The following WDR41 variants were observed in gnomAD, a reference collection of about 807,000 sequenced individuals.
WDR41 encodes the protein WD repeat-containing protein 41.
A neutral mutation model predicts 69.3 loss-of-function variants in WDR41; 63 were observed. That is an observed-to-expected ratio of 0.91 (90% CI 0.74 to 1.12). The LOEUF (loss-of-function observed/expected upper bound fraction) is 1.12, where lower values mean the gene tolerates loss of function less well. WDR41 is among the 50% of genes most tolerant of loss of function. The probability of loss-of-function intolerance (pLI) is 0.00; values close to 1 mark genes in which losing one functional copy is unlikely to be tolerated. For synonymous variants in WDR41, 185 were observed against 192.1 expected, an observed-to-expected ratio of 0.96 and a Z score of 0.31; for missense variants, 543 against 534.5, an observed-to-expected ratio of 1.02 and a Z score of -0.16.
chr5:77,581,299 A>C (rs1245789484), intron 1 of WDR41, among the ~76,000 whole-genome samples: 2 of 152,232 alleles, frequency 1.3e-5, no homozygotes, highest in Non-Finnish European at 2.9e-5. Context: ...TCAATCTACC[A>C]TGAAGATATA....
chr5:77,473,844 G>A (rs1800752598), intron 2 of WDR41, among the ~76,000 whole-genome samples: 1 of 151,988 alleles, frequency 6.6e-6, no homozygotes, highest in South Asian at 2.1e-4. Context: ...TACACTGTTG[G>A]TGGGACTTCA....
intron 2 of WDR41, among the ~76,000 whole-genome samples, chr5:77,472,227 T>A (rs1297950911): frequency 1.3e-5 from 2 of 152,208 alleles, no homozygotes; most frequent in Non-Finnish European, 2.9e-5. Flanking sequence ...TCAACAACTC[T>A]TCATGCTAAA....
intron 1 of WDR41, among the ~76,000 whole-genome samples, chr5:77,539,044 G>A (rs983228049): frequency 3.3e-5 from 5 of 152,072 alleles, no homozygotes; most frequent in African/African-American, 1.2e-4. Flanking sequence ...GTTTGCAGGT[G>A]GCCATCTTGC....
intron 1 of WDR41, among the ~76,000 whole-genome samples, chr5:77,507,357 G>A (rs1802124747): frequency 6.6e-6 from 1 of 152,156 alleles, no homozygotes; most frequent in Non-Finnish European, 1.5e-5. Context: ...TGCTTCTAGA[G>A]GCAACCACTT....
chr5:77,481,745 A>G (rs1029024898), intron 2 of WDR41, among the ~76,000 whole-genome samples: 11 of 147,076 alleles, frequency 7.5e-5, no homozygotes, highest in Admixed American at 7.3e-4. Flanking sequence ...AGGTCACACC[A>G]CTGCACTCCA....
rs1413615303 is a variant in WDR41 at position 77,481,912 on chromosome 5, TTC to T, written c.167+7543_167+7544del. 6.1e-4 allele frequency among the ~76,000 whole-genome samples: 93 copies of T among 152,340 alleles called. 1 individual carries two copies. The highest frequency in any genetic ancestry group is 6.1e-3 in the Admixed American group (93 of 15,304). ...CTACAACTATTCTCAATAAATTCTG[TTC>T]TCAAAGAGAAACAAGGGTGGTTCTC... On this transcript the variant is annotated intron_variant, in intron 2 of 12. Transcript: ENST00000296679.
intron 3 of WDR41, 61 bp downstream of exon 3, chr5:77,464,700 A>G (rs763602050): frequency 2.1e-5 from 32 of 1,518,514 alleles, no homozygotes; most frequent in Non-Finnish European, 2.7e-6. Context: ...ATTTATATGA[A>G]TACATACTCA....
chr5:77,561,002 T>C (rs1467345766), intron 1 of WDR41, among the ~76,000 whole-genome samples: 1 of 152,210 alleles, frequency 6.6e-6, no homozygotes, highest in African/African-American at 2.4e-5. Flanking sequence ...GTTTCTGAAA[T>C]GGCATATTCT....
chr5:77,438,160 G>A lies in WDR41; in HGVS notation c.1004+80C>T, dbSNP rs1357876703. 3.2e-6 allele frequency: 5 copies of A among 1,586,510 alleles called. No individual in the cohort carries two copies. The African/African-American group carries it at 6.7e-5, about 21-fold the overall frequency. The stretch of plus-strand genomic sequence containing the variant: ...GTCAAGCCATGAAGCCAGGTAACTT[G>A]GCCACTTGAGAAATTACACTGGTAG... On this transcript the variant is annotated intron_variant, in intron 10 of 12. Coordinates refer to ENST00000296679, the MANE Select transcript of WDR41 (RefSeq NM_018268.4).
chr5:77,455,956 G>T (rs1188232450), intron 5 of WDR41, among the ~76,000 whole-genome samples: 1 of 147,226 alleles, frequency 6.8e-6, no homozygotes, highest in African/African-American at 2.5e-5. Context: ...ATGAATTTTA[G>T]GATCAGCTTG....
At chr5:77,525,414 C>G (rs2112198060) in intron 1 of WDR41, among the ~76,000 whole-genome samples, 1 of 152,266 alleles carries the variant, frequency 6.6e-6, no homozygotes, top group East Asian at 1.9e-4. Context: ...AAGTTCCTAC[C>G]TTGAAGCACT....
At chr5:77,463,019 A>T in intron 4 of WDR41, 76 bp downstream of exon 4, 1 of 1,487,986 alleles carries the variant, frequency 6.7e-7, no homozygotes, top group Non-Finnish European at 9.0e-7. Context: ...AGACCCTATC[A>T]GCTAAAGACT....
At chr5:77,584,695 A>C (rs931251393) in intron 1 of WDR41, among the ~76,000 whole-genome samples, 2 of 152,150 alleles carry the variant, frequency 1.3e-5, no homozygotes, top group Admixed American at 1.3e-4. Flanking sequence ...TGATCTTCAA[A>C]AAAGCAAACA....
chr5:77,594,677 C>A (rs1042910823), intron 1 of WDR41, among the ~76,000 whole-genome samples: 2 of 152,116 alleles, frequency 1.3e-5, no homozygotes, highest in Admixed American at 6.6e-5. Flanking sequence ...TTCTAGAAAC[C>A]AAACAGCCCA....
At chr5:77,549,327 T>G (rs1211039654) in intron 1 of WDR41, among the ~76,000 whole-genome samples, 1 of 152,158 alleles carries the variant, frequency 6.6e-6, no homozygotes, top group African/African-American at 2.4e-5. Context: ...CTTTCTTCAC[T>G]GATGATATGA....
chr5:77,610,537 T>C (rs1224259577), intron 1 of WDR41, among the ~76,000 whole-genome samples: 1 of 151,766 alleles, frequency 6.6e-6, no homozygotes, highest in East Asian at 1.9e-4. Flanking sequence ...AACCCAGAAT[T>C]TCATATCCAG....
In WDR41 at chr5:77,608,226, C is replaced by A. The variant is rs192443338; in HGVS notation, c.42+12253G>T. On this transcript the variant is annotated intron_variant, in intron 1 of 5. Transcript: ENST00000509971. Reference sequence around the variant, plus strand: ...ACAGCAGAATGTCCTCAAGGTTCATCTATGTTGTAGCATGTGTCAGAATTT... The same window carrying A: ...ACAGCAGAATGTCCTCAAGGTTCATATATGTTGTAGCATGTGTCAGAATTT... Among the ~76,000 whole-genome samples the A allele has an allele frequency of 2.6e-5, 4 of 152,308 alleles. No homozygotes were observed. The East Asian group carries it at 7.7e-4, about 29-fold the overall frequency.
intron 1 of WDR41, among the ~76,000 whole-genome samples, chr5:77,580,524 G>A (rs1294061735): frequency 1.3e-5 from 2 of 151,614 alleles, no homozygotes; most frequent in Non-Finnish European, 2.9e-5. Context: ...AAATCATATG[G>A]TAAATCCAAG....
intron 4 of WDR41, among the ~76,000 whole-genome samples, chr5:77,459,630 T>G (rs1799960032): frequency 1.3e-5 from 2 of 152,202 alleles, no homozygotes; most frequent in African/African-American, 2.4e-5. Context: ...GGGCCTCTCA[T>G]AAAACATCCA....
Sources: gnomAD v4.1 joint callset for allele counts (sites outside exome capture counted in the v4.1 genomes callset) on GRCh38, gnomAD v4.1.1 for gene constraint, MANE v1.5 for transcripts, NCBI Gene and HGNC (gene_info 2026-07-23, HGNC 2026-07-21) for gene names.